The following SHISA6 variants were observed in gnomAD, a reference collection of about 807,000 sequenced individuals.
The protein encoded by SHISA6 is protein shisa-6.
Under a neutral mutation model 47.9 loss-of-function variants are expected in SHISA6, and 22 were observed. The ratio of observed to expected loss-of-function variants is 0.46; its 90% CI spans 0.33 to 0.66. The LOEUF is 0.66. SHISA6 is among the 30% of genes least tolerant of loss of function. The probability of loss-of-function intolerance (pLI) is 0.02; values close to 1 mark genes in which losing one functional copy is unlikely to be tolerated. For missense variants in SHISA6, 680 were observed against 764.6 expected, an observed-to-expected ratio of 0.89 and a Z score of 1.30; for synonymous variants, 388 against 337.8, an observed-to-expected ratio of 1.15 and a Z score of -1.63.
intron 2 of SHISA6, among the ~76,000 whole-genome samples, chr17:11,310,810 T>C (rs186170511): frequency 7.4e-4 from 113 of 152,060 alleles, no homozygotes; most frequent in African/African-American, 2.4e-3. Context: ...TGGTCTCTAC[T>C]AAAAATACAA....
Position 11,558,135 on chromosome 17 carries a change from A to T in SHISA6, c.1487A>T (p.His496Leu). ...VLDRYRMSKM[H>L]SHPSASNNSY... is the part of the protein sequence containing the mutation. ...GACCGCTACCGCATGAGCAAGATGCACTCTCATCCCAGTGCCTCCAATAAC... is the reference window on the plus strand; with the variant it reads ...GACCGCTACCGCATGAGCAAGATGCTCTCTCATCCCAGTGCCTCCAATAAC... The change falls in exon 6 of 6, where the codon CAC becomes CTC. Residue 496 changes from histidine to leucine, a missense_variant. By Grantham distance (99) the His-to-Leu change is moderately conservative. Around this residue, in one of 2 missense-constraint regions of SHISA6, gnomAD observed 559 missense variants for 674.1 expected, o/e 0.83. Transcript: ENST00000441885. 1.9e-6 allele frequency: 3 copies of T among 1,550,944 alleles called. No individual in the cohort carries two copies. Among genetic ancestry groups the T allele is most frequent in the Non-Finnish European group, 2.6e-6 (3 of 1,146,972 alleles).
At position 11,264,214 on chromosome 17, in the gene SHISA6, C is replaced by T. The variant is rs1908344448; in HGVS notation, c.799+688C>T. Among the ~76,000 whole-genome samples the T allele has an allele frequency of 2.0e-5, 3 of 152,228 alleles. No homozygotes were observed. In the South Asian group the frequency reaches 6.2e-4, roughly 32 times the overall value. ...AAAATCAGTAATAACAGTAATATAA[C>T]CTAAATATTTATTGGAATCTTGTTC... On this transcript the variant is annotated intron_variant, in intron 2 of 5. Transcript: ENST00000441885.
chr17:11,244,826 C>T (rs369577477), intron 1 of SHISA6, among the ~76,000 whole-genome samples: 2 of 152,166 alleles, frequency 1.3e-5, no homozygotes, highest in East Asian at 1.9e-4. Flanking sequence ...GTGTGTGCTT[C>T]CCCCTGAAGA....
In SHISA6 at chr17:11,272,988, C is replaced by T. The variant is rs375581482; in HGVS notation, c.799+9462C>T. ...GTAGACACTCGTGCCCCTGGCCTGC[C>T]AGAGAGAGTGATACGGCTCCCAGGA... On this transcript the variant is annotated intron_variant, in intron 2 of 5. Transcript: ENST00000441885. Among the ~76,000 whole-genome samples the T allele has an allele frequency of 1.4e-4, 22 of 152,288 alleles. No individual in the cohort carries two copies. In the East Asian group the frequency reaches 1.5e-3, roughly 11 times the overall value.
At chr17:11,510,792 C>G (rs549035569) in intron 3 of SHISA6, among the ~76,000 whole-genome samples, 1 of 152,290 alleles carries the variant, frequency 6.6e-6, no homozygotes, top group Admixed American at 6.5e-5. Flanking sequence ...TTACAATTAA[C>G]AGAGCTCAGT....
intron 2 of SHISA6, among the ~76,000 whole-genome samples, chr17:11,265,616 A>T (rs1908398685): frequency 6.6e-6 from 1 of 152,158 alleles, no homozygotes; most frequent in Admixed American, 6.5e-5. Flanking sequence ...GATTTTTCCA[A>T]GGATTCATCC....
At chr17:11,259,954 C>G (rs1908163794) in intron 1 of SHISA6, among the ~76,000 whole-genome samples, 1 of 152,056 alleles carries the variant, frequency 6.6e-6, no homozygotes, top group South Asian at 2.1e-4. Flanking sequence ...ACCTCAGTTC[C>G]TTGTTAAAAA....
chr17:11,256,737 G>C (rs779843368), intron 1 of SHISA6, among the ~76,000 whole-genome samples: 1 of 152,146 alleles, frequency 6.6e-6, no homozygotes, highest in Non-Finnish European at 1.5e-5. Context: ...TGAAAAGTCT[G>C]GGTTTGATAT....
intron 2 of SHISA6, among the ~76,000 whole-genome samples, chr17:11,274,240 C>T (rs756503497): frequency 1.2e-4 from 18 of 152,164 alleles, no homozygotes; most frequent in Non-Finnish European, 1.8e-4. Context: ...AGGAGAACCA[C>T]GGAGCTGGCT....
intron 3 of SHISA6, among the ~76,000 whole-genome samples, chr17:11,486,972 T>C (rs1473836571): frequency 1.2e-4 from 18 of 152,240 alleles, no homozygotes; most frequent in Admixed American, 1.2e-3. Context: ...ATAAATAACA[T>C]TTTGTTAGAA....
At chr17:11,378,902 T>A (rs1470842932) in intron 2 of SHISA6, among the ~76,000 whole-genome samples, 2 of 151,842 alleles carry the variant, frequency 1.3e-5, no homozygotes, top group Non-Finnish European at 2.9e-5. Context: ...AAAAAACAAA[T>A]GAATAATGGA....
At position 11,381,253 on chromosome 17, in the gene SHISA6, C is replaced by T. The variant is rs575205897; in HGVS notation, c.895+1744C>T. On this transcript the variant is annotated intron_variant, in intron 3 of 5. Transcript: ENST00000441885. ...TTATAGGTGGTCCAACCCAAAACAC[C>T]CAACACTTCAACCAACAGAACTCTT... 5.3e-5 allele frequency among the ~76,000 whole-genome samples: 8 copies of T among 152,272 alleles called. No individual in the cohort carries two copies. In the South Asian group the frequency reaches 1.7e-3, roughly 32 times the overall value.
At chr17:11,252,642 C>A (rs763921165) in intron 1 of SHISA6, among the ~76,000 whole-genome samples, 1 of 152,168 alleles carries the variant, frequency 6.6e-6, no homozygotes, top group Non-Finnish European at 1.5e-5. Context: ...AGAAGGGAGT[C>A]GCCAGGGGAG....
chr17:11,273,317 G>A (rs558343694), intron 2 of SHISA6, among the ~76,000 whole-genome samples: 1 of 152,312 alleles, frequency 6.6e-6, no homozygotes, highest in Admixed American at 6.5e-5. Flanking sequence ...CGTGAATCCT[G>A]TTCTGAAGCC....
chr17:11,374,477 AT>A (rs1912727066), intron 2 of SHISA6, among the ~76,000 whole-genome samples: 1 of 150,674 alleles, frequency 6.6e-6, no homozygotes, highest in Non-Finnish European at 1.5e-5. Flanking sequence ...TTTTTTTTGT[AT>A]TTAGCTTCTT....
At chr17:11,344,215 G>T (rs999697120) in intron 2 of SHISA6, among the ~76,000 whole-genome samples, 4 of 152,194 alleles carry the variant, frequency 2.6e-5, no homozygotes, top group African/African-American at 9.6e-5. Flanking sequence ...TATGTAATCT[G>T]GATACAAGTC....
At chr17:11,502,967 G>C (rs1016033834) in intron 3 of SHISA6, among the ~76,000 whole-genome samples, 1 of 152,196 alleles carries the variant, frequency 6.6e-6, no homozygotes, top group Non-Finnish European at 1.5e-5. Flanking sequence ...GGAGATTACT[G>C]TGGGGTAGGG....
At chr17:11,290,209 AG>A (rs1435969619) in intron 2 of SHISA6, 1 of 139,646 alleles carries the variant, frequency 7.2e-6, no homozygotes, top group African/African-American at 2.7e-5. Context: ...GGAAATTTGT[AG>A]TTTTTGTGTG....
At chr17:11,341,728 C>T (rs536954124) in intron 2 of SHISA6, among the ~76,000 whole-genome samples, 6 of 152,100 alleles carry the variant, frequency 3.9e-5, no homozygotes, top group Non-Finnish European at 7.4e-5. Context: ...ATGCCAACAG[C>T]CTGGCTGCAG....
Sources: allele counts gnomAD v4.1 joint callset (sites outside exome capture counted in the v4.1 genomes callset), GRCh38; gene constraint gnomAD v4.1.1; regional missense constraint gnomAD v4.1.1; transcripts MANE v1.5; gene names NCBI Gene and HGNC (gene_info 2026-07-23, HGNC 2026-07-21).